The following CDK13 variants were observed in gnomAD, a reference collection of about 807,000 sequenced individuals.
CDK13 encodes cyclin dependent kinase 13, also known as cyclin-dependent kinase 13.
A neutral mutation model predicts 137.6 loss-of-function variants in CDK13; 40 were observed. The ratio of observed to expected loss-of-function variants is 0.29; its 90% CI spans 0.23 to 0.38. The LOEUF (loss-of-function observed/expected upper bound fraction) is 0.38, where lower values mean the gene tolerates loss of function less well. Ranked by LOEUF, CDK13 falls within the 10% of genes least tolerant of loss-of-function variation. The pLI, the probability that CDK13 is intolerant of heterozygous loss-of-function variation, is 1.00. For missense variants in CDK13, 1,704 were observed against 1,951.8 expected, an observed-to-expected ratio of 0.87 and a Z score of 2.39; for synonymous variants, 869 against 760.1, an observed-to-expected ratio of 1.14 and a Z score of -2.36.
intron 5 of CDK13, among the ~76,000 whole-genome samples, chr7:40,013,860 T>C (rs1784947622): frequency 6.6e-6 from 1 of 152,102 alleles, no homozygotes; most frequent in Non-Finnish European, 1.5e-5. Flanking sequence ...TTGAGAGGGA[T>C]AGACGGGTGA....
In CDK13 at chr7:40,092,568, A is replaced by G. The variant is rs12669872; in HGVS notation, c.3236-217A>G. The G allele has an allele frequency of 0.11, 53,763 of 511,730 alleles. 4,355 individuals carry two copies. Among genetic ancestry groups the G allele is most frequent in the East Asian group, 0.31 (9,453 of 30,610 alleles). The allele number at this position is 511,730 out of a possible 1,614,324, so 31.7% of individuals were successfully genotyped here. ...TTTTCCTTTTGAAGTATTTACCCCT[A>G]AAGATTTATTCAAAATTGACTGCAG... is the stretch of plus-strand genomic sequence containing the variant. On this transcript the variant is annotated intron_variant, in intron 12 of 13. Coordinates refer to ENST00000181839, the MANE Select transcript of CDK13 (RefSeq NM_003718.5).
chr7:40,057,271 T>A (rs1391026795), intron 7 of CDK13, among the ~76,000 whole-genome samples: 1 of 151,978 alleles, frequency 6.6e-6, no homozygotes, highest in Non-Finnish European at 1.5e-5. Flanking sequence ...AAAAAAAATT[T>A]TGAGCAGTTG....
At chr7:40,084,888 T>G (rs1786750138) in intron 11 of CDK13, among the ~76,000 whole-genome samples, 1 of 152,204 alleles carries the variant, frequency 6.6e-6, no homozygotes, top group Admixed American at 6.5e-5. Context: ...ACACATCAAG[T>G]AAGTGACTGA....
intron 1 of CDK13, 161 bp downstream of exon 1, chr7:39,952,013 G>A: frequency 1.4e-6 from 1 of 694,444 alleles, no homozygotes; most frequent in Non-Finnish European, 2.0e-6. Flanking sequence ...TTTCGCGCGC[G>A]TGACACTTTT....
chr7:40,017,084 A>G (rs17496429), intron 5 of CDK13, among the ~76,000 whole-genome samples: 13,732 of 152,162 alleles, frequency 0.09, 1,000 homozygotes, highest in East Asian at 0.33. Flanking sequence ...AGGCATTAAT[A>G]TGCAATATTC....
intron 5 of CDK13, among the ~76,000 whole-genome samples, chr7:40,044,055 C>G (rs932626077): frequency 1.2e-4 from 18 of 151,786 alleles, no homozygotes; most frequent in African/African-American, 4.4e-4. Flanking sequence ...CGCCACCATG[C>G]CTGGCTAGTT....
At chr7:40,074,145 C>G (rs1277472495) in intron 9 of CDK13, among the ~76,000 whole-genome samples, 1 of 152,074 alleles carries the variant, frequency 6.6e-6, no homozygotes, top group Non-Finnish European at 1.5e-5. Flanking sequence ...AGCAATCCAC[C>G]TGCATCGGCC....
At chr7:40,074,238 A>G (rs1356320961) in intron 9 of CDK13, among the ~76,000 whole-genome samples, 1 of 151,794 alleles carries the variant, frequency 6.6e-6, no homozygotes, top group African/African-American at 2.4e-5. Context: ...TATAATGGGC[A>G]TGGGCCAGGT....
chr7:40,086,206 G>C (rs1352153706), intron 11 of CDK13, among the ~76,000 whole-genome samples: 1 of 152,108 alleles, frequency 6.6e-6, no homozygotes, highest in Non-Finnish European at 1.5e-5. Flanking sequence ...AATTGTGAAA[G>C]AGGAGATGTA....
intron 9 of CDK13, among the ~76,000 whole-genome samples, chr7:40,066,168 G>A (rs923735905): frequency 1.3e-5 from 2 of 152,174 alleles, no homozygotes; most frequent in Non-Finnish European, 2.9e-5. Context: ...TGACACCACC[G>A]CATTCCAGCC....
At chr7:39,965,730 T>C (rs1358625699) in intron 1 of CDK13, among the ~76,000 whole-genome samples, 2 of 152,226 alleles carry the variant, frequency 1.3e-5, no homozygotes, top group African/African-American at 4.8e-5. Context: ...CTTTACAATT[T>C]GGTATGTTTT....
In CDK13 at chr7:39,951,145, G is replaced by C. The variant is rs896319643; in HGVS notation, c.504G>C (p.Ala168=). The stretch of plus-strand genomic sequence containing the variant: ...GGGGGGCCAGCGCGGCAACGGCGGC[G>C]ACGGCTGCCGGGGGAACGGGGGGCA... ...LLGGASAATA[A]TAAGGTGGSG... The change falls in exon 1 of 14, where the codon GCG becomes GCC. Residue 168 remains alanine (A), a synonymous_variant. Coordinates refer to ENST00000181839, the MANE Select transcript of CDK13 (RefSeq NM_003718.5). 2.4e-6 allele frequency: 3 copies of C among 1,242,604 alleles called. No homozygotes were observed. The highest frequency in any genetic ancestry group is 3.0e-6 in the Non-Finnish European group (3 of 994,738). 77.0% of individuals were successfully genotyped at this position (1,242,604 alleles called of 1,614,324 possible).
intron 5 of CDK13, among the ~76,000 whole-genome samples, chr7:40,019,209 GTCTTAAT>G (rs1414952906): frequency 1.3e-5 from 2 of 152,174 alleles, no homozygotes; most frequent in African/African-American, 4.8e-5. Flanking sequence ...AGTAGCCACA[GTCTTAAT>G]GGGTACATAC....
chr7:40,084,409 C>A (rs1786739972), intron 11 of CDK13, among the ~76,000 whole-genome samples: 1 of 152,130 alleles, frequency 6.6e-6, no homozygotes, highest in Non-Finnish European at 1.5e-5. Flanking sequence ...ATCCAGGAGG[C>A]AGAGGTTGCA....
chr7:40,089,723 AGTGTGTGTGTGT>A (rs142023627), intron 12 of CDK13, among the ~76,000 whole-genome samples: 15 of 125,154 alleles, frequency 1.2e-4, no homozygotes, highest in African/African-American at 1.8e-4. Context: ...AGAGAGAGAG[AGTGTGTGTGTGT>A]GTGTGTGTGT....
intron 5 of CDK13, among the ~76,000 whole-genome samples, chr7:40,019,992 C>CTT (rs1200249592): frequency 6.6e-6 from 1 of 152,092 alleles, no homozygotes; most frequent in Non-Finnish European, 1.5e-5. Context: ...TTGTCTCTGG[C>CTT]TTTAAATGTG....
rs561540218 is a variant in CDK13, at chr7:40,001,733, T to C, written c.2183-128T>C. 1.8e-4 allele frequency: 130 copies of C among 717,074 alleles called. No individual in the cohort carries two copies. The East Asian group carries it at 2.0e-3, about 11-fold the overall frequency. The allele number at this position is 717,074 out of a possible 1,614,324, so 44.4% of individuals were successfully genotyped here. A position where few individuals can be genotyped will look rare whatever the true frequency, so the allele number is the denominator to read the frequency against. On this transcript the variant is annotated intron_variant, in intron 4 of 13. Coordinates refer to ENST00000181839, the MANE Select transcript of CDK13 (RefSeq NM_003718.5). ...AAATATTATTTGGTATATTGGAAAC[T>C]GAAACATACTTTGTGGTTCTATTTT... is the stretch of plus-strand genomic sequence containing the variant.
chr7:39,993,907 T>C (rs974891430), intron 2 of CDK13, among the ~76,000 whole-genome samples: 5 of 152,138 alleles, frequency 3.3e-5, no homozygotes, highest in Non-Finnish European at 7.4e-5. Context: ...ATGTATGAAA[T>C]TGCCTTAACA....
intron 1 of CDK13, among the ~76,000 whole-genome samples, chr7:39,982,280 C>T (rs1328709363): frequency 1.3e-5 from 2 of 151,408 alleles, no homozygotes; most frequent in African/African-American, 2.4e-5. Flanking sequence ...GTTTTTTGTC[C>T]TTGTGATAGT....
Sources: gnomAD v4.1 joint callset for allele counts (sites outside exome capture counted in the v4.1 genomes callset) on GRCh38, gnomAD v4.1.1 for gene constraint, MANE v1.5 for transcripts, NCBI Gene and HGNC (gene_info 2026-07-23, HGNC 2026-07-21) for gene names.